Variants in SOX6 observed in about 807,000 individuals in gnomAD.
SOX6 encodes the protein SRY-box transcription factor 6.
In SOX6, 11 loss-of-function variants were observed where a neutral mutation model predicts 97.8. The observed-to-expected ratio is 0.11, with a 90% confidence interval of 0.07 to 0.19. The LOEUF (loss-of-function observed/expected upper bound fraction) is 0.19, where lower values mean the gene tolerates loss of function less well. Among genes scored for constraint, SOX6 ranks in the 10% least tolerant of loss-of-function variants. The pLI is 1.00. For missense variants in SOX6, 810 were observed against 1,039.5 expected, an observed-to-expected ratio of 0.78 and a Z score of 3.04; for synonymous variants, 360 against 371.4, an observed-to-expected ratio of 0.97 and a Z score of 0.35.
At chr11:16,217,830 T>C (rs10766303) in intron 4 of SOX6, among the ~76,000 whole-genome samples, 72,994 of 151,940 alleles carry the variant, frequency 0.48, 17,934 homozygotes, top group East Asian at 0.53. Flanking sequence ...TCCCCTCTCC[T>C]GATTCATTGC....
upstream of SOX6, among the ~76,000 whole-genome samples, chr11:16,477,259 G>T (rs1354556061): frequency 6.6e-6 from 1 of 152,004 alleles, no homozygotes; most frequent in Non-Finnish European, 1.5e-5. Flanking sequence ...TAGGCTCTGG[G>T]GACTGGCTTG....
At chr11:16,280,882 T>C (rs1854540204) in intron 3 of SOX6, among the ~76,000 whole-genome samples, 1 of 152,126 alleles carries the variant, frequency 6.6e-6, no homozygotes, top group Admixed American at 6.6e-5. Context: ...AATAAATTCC[T>C]TTGCCTTAAT....
chr11:16,413,166 C>A (rs541316853), intron 1 of SOX6, among the ~76,000 whole-genome samples: 6 of 152,320 alleles, frequency 3.9e-5, no homozygotes, highest in African/African-American at 1.4e-4. Flanking sequence ...GCAAAAACTT[C>A]TTTGCATTGT....
At chr11:16,258,050 A>G (rs1300743500) in intron 3 of SOX6, among the ~76,000 whole-genome samples, 1 of 151,970 alleles carries the variant, frequency 6.6e-6, no homozygotes, top group Admixed American at 6.6e-5. Context: ...AAAATAGAAA[A>G]TACTGATAAT....
At chr11:16,244,756 G>A (rs926218372) in intron 3 of SOX6, among the ~76,000 whole-genome samples, 2 of 151,266 alleles carry the variant, frequency 1.3e-5, no homozygotes, top group African/African-American at 2.4e-5. Flanking sequence ...GAGTGTGTAT[G>A]TGTGTGTGTG....
At chr11:16,082,475 G>A (rs926595907) in intron 9 of SOX6, among the ~76,000 whole-genome samples, 10 of 152,306 alleles carry the variant, frequency 6.6e-5, no homozygotes, top group African/African-American at 2.4e-4. Context: ...CATTCACTGA[G>A]AAGCAATGTG....
chr11:16,217,266 T>C (rs1202772544), intron 4 of SOX6, among the ~76,000 whole-genome samples: 1 of 152,190 alleles, frequency 6.6e-6, no homozygotes. Context: ...TTACTGTCTC[T>C]TGACATCCTG....
chr11:15,993,981 G>C (rs1299326239), intron 13 of SOX6, among the ~76,000 whole-genome samples: 2 of 152,138 alleles, frequency 1.3e-5, no homozygotes, highest in Non-Finnish European at 2.9e-5. Flanking sequence ...GGGAATTCTA[G>C]TTAATTCTAT....
At chr11:16,663,828 G>A (rs1274394157) in intron 3 of SOX6, among the ~76,000 whole-genome samples, 3 of 152,142 alleles carry the variant, frequency 2.0e-5, no homozygotes, top group Admixed American at 6.5e-5. Flanking sequence ...TACCTTCTTT[G>A]ATCATTTTCG....
rs1347281777 is a variant in SOX6, at chr11:16,324,357, C to A, written c.238-5704G>T. Among the ~76,000 whole-genome samples the A allele has an allele frequency of 2.0e-5, 3 of 152,072 alleles. No individual in the cohort carries two copies. In the South Asian group the frequency reaches 6.2e-4, roughly 31 times the overall value. On this transcript the variant is annotated intron_variant, in intron 2 of 15. Transcript: ENST00000683767. ...AACACAGCCATTAAAAACAAACATACCTATTGAACATACTGTCGTTTACAG... is the reference window on the plus strand; with the variant it reads ...AACACAGCCATTAAAAACAAACATAACTATTGAACATACTGTCGTTTACAG...
chr11:16,327,348 T>G (rs1316775880), intron 2 of SOX6, among the ~76,000 whole-genome samples: 3 of 152,112 alleles, frequency 2.0e-5, no homozygotes, highest in Non-Finnish European at 4.4e-5. Flanking sequence ...CCAATTGCCC[T>G]TTTTTTCTAT....
At chr11:16,512,126 C>T (rs938466647) in intron 4 of SOX6, among the ~76,000 whole-genome samples, 2 of 152,074 alleles carry the variant, frequency 1.3e-5, no homozygotes, top group Non-Finnish European at 2.9e-5. Context: ...CTTCCAAACA[C>T]TTGATGTACA....
At chr11:16,685,163 A>C (rs1847959844) in intron 3 of SOX6, among the ~76,000 whole-genome samples, 1 of 152,138 alleles carries the variant, frequency 6.6e-6, no homozygotes, top group South Asian at 2.1e-4. Flanking sequence ...ATATCATTCC[A>C]TTCCTGGCCC....
chr11:16,732,277 C>T (rs1043373960), intron 2 of SOX6, among the ~76,000 whole-genome samples: 2 of 152,050 alleles, frequency 1.3e-5, no homozygotes, highest in Admixed American at 6.6e-5. Context: ...CCATATACCC[C>T]AGACAATCCT....
chr11:15,970,008 C>A lies in SOX6; in HGVS notation c.*2801G>T, dbSNP rs1310268213. 6.6e-6 allele frequency: 1 copy of A among 152,116 alleles called. No homozygotes were observed. The highest frequency in any genetic ancestry group is 1.5e-5 in the Non-Finnish European group (1 of 68,012). 9.4% of individuals were successfully genotyped at this position (152,116 alleles called of 1,614,324 possible). A position where few individuals can be genotyped will look rare whatever the true frequency, so the allele number is the denominator to read the frequency against. ...TACTGAGGCAGAGCTGGAGCTAAAA[C>A]AAAGTGTTCATACACACATGTATTT... On this transcript the variant is annotated 3_prime_UTR_variant, in exon 16 of 16. Transcript: ENST00000683767.
At chr11:16,378,532 T>C (rs1439814611) in intron 1 of SOX6, among the ~76,000 whole-genome samples, 1 of 152,082 alleles carries the variant, frequency 6.6e-6, no homozygotes, top group East Asian at 1.9e-4. Flanking sequence ...ATGAAAATCA[T>C]AGTGTTTAAA....
intron 4 of SOX6, among the ~76,000 whole-genome samples, chr11:16,510,515 A>G (rs1486493060): frequency 6.6e-6 from 1 of 152,106 alleles, no homozygotes; most frequent in Non-Finnish European, 1.5e-5. Flanking sequence ...ACCTTAGTAT[A>G]GAGTCTTCAA....
chr11:16,217,119 A>C (rs1398262770), intron 4 of SOX6, among the ~76,000 whole-genome samples: 1 of 152,184 alleles, frequency 6.6e-6, no homozygotes, highest in Admixed American at 6.5e-5. Context: ...CATTTTCTTT[A>C]GCTTTCTTAA....
chr11:16,290,236 C>G (rs923191797), intron 3 of SOX6, among the ~76,000 whole-genome samples: 1 of 151,954 alleles, frequency 6.6e-6, no homozygotes, highest in Admixed American at 6.6e-5. Flanking sequence ...TGAAAATAAA[C>G]AGCTCAAAAT....
Sources: allele counts gnomAD v4.1 joint callset (sites outside exome capture counted in the v4.1 genomes callset), GRCh38; gene constraint gnomAD v4.1.1; transcripts MANE v1.5; gene names NCBI Gene and HGNC (gene_info 2026-07-23, HGNC 2026-07-21).